The following UTRN variants were observed in gnomAD, a reference collection of about 807,000 sequenced individuals.
The protein encoded by UTRN is utrophin, also known as dystrophin-related protein 1.
UTRN carries 283 observed loss-of-function variants against 463.9 expected under a neutral mutation model. The ratio of observed to expected loss-of-function variants is 0.61; its 90% CI spans 0.55 to 0.67. The LOEUF (loss-of-function observed/expected upper bound fraction) is 0.67, where lower values mean the gene tolerates loss of function less well. UTRN is among the 30% of genes least tolerant of loss of function. The pLI is 0.00. For missense variants in UTRN, 3,922 were observed against 4,084.3 expected (o/e 0.96, Z 1.08); for synonymous variants, 1,442 against 1,431.5 (o/e 1.01, Z -0.17).
chr6:144,586,188 T>A (rs1330560239), intron 51 of UTRN, among the ~76,000 whole-genome samples: 3 of 152,070 alleles, frequency 2.0e-5, no homozygotes, highest in African/African-American at 7.2e-5. Context: ...TTTGTGGGTT[T>A]TCTTGTATGT....
chr6:144,547,257 A>G (rs1462412900), intron 46 of UTRN, among the ~76,000 whole-genome samples: 4 of 152,168 alleles, frequency 2.6e-5, no homozygotes, highest in African/African-American at 9.7e-5. Context: ...AAGTTTTAGA[A>G]AAAGTATTTT....
At chr6:144,311,095 T>C (rs1806231063) in intron 2 of UTRN, among the ~76,000 whole-genome samples, 2 of 152,230 alleles carry the variant, frequency 1.3e-5, no homozygotes, top group Non-Finnish European at 2.9e-5. Flanking sequence ...AGTGAAATGA[T>C]GAGGATCTTC....
At position 144,453,874 on chromosome 6, in the gene UTRN, G is replaced by C; in HGVS notation, c.2284+5G>C. On this transcript the variant is annotated splice_donor_5th_base_variant and intron_variant, in intron 19 of 74. Transcript: ENST00000367545. ...TTGTGGAGCAAATGGGAAAAGGTAA[G>C]ATCCTTGATTTTTTTCCCCTATATT... 1 of 1,610,952 alleles carries C rather than the reference G, an allele frequency of 6.2e-7. No homozygotes were observed. The highest frequency in any genetic ancestry group is 1.7e-5 in the Admixed American group (1 of 59,812).
intron 46 of UTRN, among the ~76,000 whole-genome samples, chr6:144,544,951 T>A (rs1798271074): frequency 6.6e-6 from 1 of 152,196 alleles, no homozygotes; most frequent in Non-Finnish European, 1.5e-5. Flanking sequence ...TCTACTCATT[T>A]AAACTGATGT....
chr6:144,603,000 A>G (rs75551402), intron 51 of UTRN, among the ~76,000 whole-genome samples: 2,133 of 152,322 alleles, frequency 0.014, 33 homozygotes, highest in East Asian at 0.058. Context: ...GAAACCTGCA[A>G]TGTCTCTGAG....
Position 144,539,376 on chromosome 6 carries a change from G to C in UTRN, c.6452G>C (p.Ser2151Thr). ...GAATTGGAGATGCTTTCAGATAAAA[G>C]TCTGAGTTTACCTGAAAGGGATAAA... ...RTELEMLSDK[S>T]LSLPERDKIS... The change falls in exon 45 of 75, where the codon AGT (serine) becomes ACT (threonine). Residue 2151 changes from serine (S) to threonine (T), a missense_variant. Coordinates refer to ENST00000367545, the MANE Select transcript of UTRN (RefSeq NM_007124.3). 1 of 1,613,370 alleles carries C rather than the reference G, an allele frequency of 6.2e-7. No individual in the cohort carries two copies. The highest frequency in any genetic ancestry group is 8.5e-7 in the Non-Finnish European group (1 of 1,179,662).
At chr6:144,424,121 TGTTGTTTGTCTTTTA>T in intron 6 of UTRN, 43 bp downstream of exon 6, 3 of 1,591,974 alleles carry the variant, frequency 1.9e-6, no homozygotes, top group Non-Finnish European at 2.6e-6. Flanking sequence ...ATGGAAAATG[TGTTGTTTGTCTTTTA>T]GTTTCTTAAG....
At chr6:144,587,250 G>A (rs912305348) in intron 51 of UTRN, among the ~76,000 whole-genome samples, 9 of 152,072 alleles carry the variant, frequency 5.9e-5, no homozygotes, top group East Asian at 5.8e-4. Context: ...AGTCTTCCCC[G>A]GAATACTGTG....
chr6:144,799,464 A>G, intron 64 of UTRN: 1 of 471,736 alleles, frequency 2.1e-6, no homozygotes, highest in Non-Finnish European at 4.4e-6. Flanking sequence ...ATGTTGGAAG[A>G]AGAAGAATGG....
In UTRN at chr6:144,803,165, G is replaced by A; in HGVS notation, c.9357+18G>A. On this transcript the variant is annotated intron_variant, in intron 65 of 74. Transcript: ENST00000367545. Reference sequence around the variant, plus strand: ...GTATACCTGTGAGTACTAACCCACTGTTTTGTTTTTAATACATTGCCATTG... The same window carrying A: ...GTATACCTGTGAGTACTAACCCACTATTTTGTTTTTAATACATTGCCATTG... The A allele has an allele frequency of 7.0e-7, 1 of 1,435,430 alleles. No individual in the cohort carries two copies. Among genetic ancestry groups the A allele is most frequent in the Non-Finnish European group, 9.2e-7 (1 of 1,084,410 alleles). 88.9% of individuals were successfully genotyped at this position (1,435,430 alleles called of 1,614,324 possible).
intron 2 of UTRN, among the ~76,000 whole-genome samples, chr6:144,331,410 A>G (rs1430184238): frequency 2.0e-5 from 3 of 152,174 alleles, no homozygotes; most frequent in Non-Finnish European, 2.9e-5. Context: ...TATGAAAGTT[A>G]TTCCATCACT....
At chr6:144,311,870 A>G (rs951657495) in intron 2 of UTRN, 1 of 152,210 alleles carries the variant, frequency 6.6e-6, no homozygotes, top group Non-Finnish European at 1.5e-5. Flanking sequence ...GATATCAAGG[A>G]TGGCATGGTA....
At chr6:144,294,687 T>C (rs1388707725) in intron 2 of UTRN, among the ~76,000 whole-genome samples, 1 of 152,192 alleles carries the variant, frequency 6.6e-6, no homozygotes, top group Non-Finnish European at 1.5e-5. Flanking sequence ...GCTGGCATAA[T>C]TAAATTGGCA....
chr6:144,457,006 A>G (rs1433422377), intron 19 of UTRN, among the ~76,000 whole-genome samples: 2 of 152,222 alleles, frequency 1.3e-5, no homozygotes, highest in African/African-American at 4.8e-5. Flanking sequence ...CAATTAATAA[A>G]GTGATCTTCT....
intron 53 of UTRN, among the ~76,000 whole-genome samples, chr6:144,718,489 G>A (rs539340751): frequency 2.0e-5 from 3 of 152,246 alleles, no homozygotes; most frequent in South Asian, 2.1e-4. Context: ...TTATTCTACA[G>A]CACTGAATAG....
At chr6:144,531,706 TA>T (rs1425188184) in intron 42 of UTRN, among the ~76,000 whole-genome samples, 1 of 152,220 alleles carries the variant, frequency 6.6e-6, no homozygotes, top group Admixed American at 6.5e-5. Flanking sequence ...AATAGGTCTT[TA>T]AAAATAATGG....
chr6:144,675,394 G>A (rs1051305475), intron 51 of UTRN, among the ~76,000 whole-genome samples: 3 of 152,186 alleles, frequency 2.0e-5, no homozygotes, highest in Admixed American at 2.0e-4. Flanking sequence ...GGAATCCTTG[G>A]TTGTAGTTTG....
chr6:144,830,707 TG>T (rs1252923373), intron 69 of UTRN, among the ~76,000 whole-genome samples: 1 of 128,020 alleles, frequency 7.8e-6, no homozygotes. Flanking sequence ...GTCTGTGATT[TG>T]TTTTTTGTTT....
chr6:144,319,573 C>T (rs925798950), intron 2 of UTRN, among the ~76,000 whole-genome samples: 1 of 151,960 alleles, frequency 6.6e-6, no homozygotes, highest in Non-Finnish European at 1.5e-5. Flanking sequence ...TTTTTGGTCC[C>T]AAGTTATTTT....
Sources: gnomAD v4.1 joint callset for allele counts (sites outside exome capture counted in the v4.1 genomes callset) on GRCh38, gnomAD v4.1.1 for gene constraint, MANE v1.5 for transcripts, NCBI Gene and HGNC (gene_info 2026-07-23, HGNC 2026-07-21) for gene names.